FHIT: variants seen among roughly 807,000 people sequenced by gnomAD.
FHIT encodes bis(5'-adenosyl)-triphosphatase.
Under a neutral mutation model 17.9 loss-of-function variants are expected in FHIT, and 19 were observed. The ratio of observed to expected loss-of-function variants is 1.06; its 90% CI spans 0.74 to 1.56. The LOEUF (loss-of-function observed/expected upper bound fraction) is 1.56, where lower values mean the gene tolerates loss of function less well. Ranked by LOEUF, FHIT falls within the 40% of genes most tolerant of loss-of-function variation. The probability of loss-of-function intolerance (pLI) is 0.00; values close to 1 mark genes in which losing one functional copy is unlikely to be tolerated. For synonymous variants in FHIT, 81 were observed against 69.7 expected (o/e 1.16, Z -0.81); for missense variants, 248 against 189.2 (o/e 1.31, Z -1.82).
intron 5 of FHIT, among the ~76,000 whole-genome samples, chr3:60,466,600 GA>G (rs1429765188): frequency 6.6e-6 from 1 of 151,956 alleles, no homozygotes; most frequent in African/African-American, 2.4e-5. Flanking sequence ...TGAATTTTAT[GA>G]AATGCTTTTT....
At chr3:60,318,380 A>G (rs1449607333) in intron 5 of FHIT, among the ~76,000 whole-genome samples, 1 of 152,236 alleles carries the variant, frequency 6.6e-6, no homozygotes, top group Non-Finnish European at 1.5e-5. Context: ...GAAATCAACC[A>G]AATGAAATGA....
At chr3:60,307,278 G>T (rs917376147) in intron 5 of FHIT, among the ~76,000 whole-genome samples, 3 of 152,140 alleles carry the variant, frequency 2.0e-5, no homozygotes, top group Non-Finnish European at 2.9e-5. Flanking sequence ...AAATTCGCCT[G>T]CCACACACCA....
At position 59,860,448 on chromosome 3, in the gene FHIT, A is replaced by G. The variant is rs1381342082; in HGVS notation, c.348+61898T>C. On this transcript the variant is annotated intron_variant, in intron 8 of 9. Transcript: ENST00000492590. ...ATAGGGAATGGAACTTGTAGGGAAA[A>G]GAAGGATGTTGGAGAAAAGTTGAAT... Among the ~76,000 whole-genome samples, 4 of 152,344 alleles carry G rather than the reference A, an allele frequency of 2.6e-5. No homozygotes were observed. The East Asian group carries it at 7.7e-4, about 29-fold the overall frequency.
chr3:60,932,462 C>G (rs1575713198), intron 3 of FHIT, among the ~76,000 whole-genome samples: 1 of 152,182 alleles, frequency 6.6e-6, no homozygotes, highest in Non-Finnish European at 1.5e-5. Context: ...CAATGGCAGG[C>G]AGCATTAAGG....
At chr3:60,044,308 C>T (rs780358945) in intron 5 of FHIT, among the ~76,000 whole-genome samples, 3 of 152,146 alleles carry the variant, frequency 2.0e-5, no homozygotes, top group Non-Finnish European at 4.4e-5. Flanking sequence ...CTTGATTAAC[C>T]GTTACCCATT....
intron 4 of FHIT, among the ~76,000 whole-genome samples, chr3:60,557,315 T>C (rs1221633410): frequency 6.6e-6 from 1 of 152,140 alleles, no homozygotes; most frequent in African/African-American, 2.4e-5. Context: ...TCTGCCCACA[T>C]TGCATTATGT....
intron 2 of FHIT, among the ~76,000 whole-genome samples, chr3:61,081,208 G>A (rs2035126463): frequency 6.6e-6 from 1 of 152,118 alleles, no homozygotes; most frequent in Admixed American, 6.6e-5. Flanking sequence ...TGTGTCTCCA[G>A]GGTTCCACTT....
At chr3:59,919,275 T>C (rs1454387073) in intron 8 of FHIT, among the ~76,000 whole-genome samples, 1 of 152,180 alleles carries the variant, frequency 6.6e-6, no homozygotes. Context: ...GATGGGAAGC[T>C]CACCCCCTTG....
chr3:60,574,665 A>T (rs2037506436), intron 4 of FHIT, among the ~76,000 whole-genome samples: 1 of 152,092 alleles, frequency 6.6e-6, no homozygotes, highest in African/African-American at 2.4e-5. Flanking sequence ...GGTCCAACGT[A>T]ACACTTTGAA....
chr3:60,635,309 C>CAT (rs1553683495), intron 4 of FHIT, among the ~76,000 whole-genome samples: 2 of 152,174 alleles, frequency 1.3e-5, no homozygotes, highest in East Asian at 3.9e-4. Context: ...ATTATGAATG[C>CAT]ATAAAGGCCA....
intron 5 of FHIT, among the ~76,000 whole-genome samples, chr3:60,403,836 C>A (rs970597571): frequency 6.6e-6 from 1 of 152,188 alleles, no homozygotes; most frequent in African/African-American, 2.4e-5. Flanking sequence ...ATTCTGAAGG[C>A]TCCCATGTCA....
At chr3:60,677,416 T>A (rs1304037490) in intron 4 of FHIT, among the ~76,000 whole-genome samples, 1 of 152,048 alleles carries the variant, frequency 6.6e-6, no homozygotes, top group African/African-American at 2.4e-5. Context: ...TATTTCACTA[T>A]GTTTCTGAGT....
Position 60,424,630 on chromosome 3 carries a change from G to A in FHIT, c.103+112230C>T, listed in dbSNP as rs117660014. Among the ~76,000 whole-genome samples the A allele has an allele frequency of 3.3e-5, 5 of 152,130 alleles. No homozygotes were observed. In the East Asian group the frequency reaches 9.7e-4, roughly 30 times the overall value. ...ACACACAAACATGCCCAAAATACAT[G>A]GAAGAAAGATAAAATTAGCTGTCTT... On this transcript the variant is annotated intron_variant, in intron 5 of 9. Coordinates refer to ENST00000492590, the MANE Select transcript of FHIT (RefSeq NM_002012.4).
chr3:61,009,700 C>A (rs2031679514), intron 3 of FHIT, among the ~76,000 whole-genome samples: 2 of 151,912 alleles, frequency 1.3e-5, no homozygotes, highest in Non-Finnish European at 2.9e-5. Context: ...TTTCATCTAT[C>A]CAAGATTAAC....
At chr3:60,960,498 G>C (rs1169077613) in intron 3 of FHIT, among the ~76,000 whole-genome samples, 1 of 152,146 alleles carries the variant, frequency 6.6e-6, no homozygotes, top group Non-Finnish European at 1.5e-5. Context: ...ATGTATACAT[G>C]TGCCATGTTA....
intron 4 of FHIT, among the ~76,000 whole-genome samples, chr3:60,575,763 T>TG (rs1439401090): frequency 6.6e-6 from 1 of 152,120 alleles, no homozygotes. Flanking sequence ...TAGAATTTTA[T>TG]GCCTTACGGT....
intron 5 of FHIT, among the ~76,000 whole-genome samples, chr3:60,435,253 A>G (rs894458799): frequency 6.6e-6 from 1 of 152,176 alleles, no homozygotes; most frequent in Non-Finnish European, 1.5e-5. Flanking sequence ...TGTAATAGAA[A>G]AAGTATGCAA....
At chr3:60,069,528 C>T (rs1702670449) in intron 5 of FHIT, among the ~76,000 whole-genome samples, 1 of 152,154 alleles carries the variant, frequency 6.6e-6, no homozygotes, top group African/African-American at 2.4e-5. Flanking sequence ...AAGGCCCCTG[C>T]TTGTATAGCG....
At position 59,747,336 on chromosome 3, in the gene FHIT, G is replaced by A. The variant is rs147287220; in HGVS notation, c.*2249C>T. Among the ~76,000 whole-genome samples, 18 of 152,244 alleles carry A rather than the reference G, an allele frequency of 1.2e-4. No individual in the cohort carries two copies. The highest frequency in any genetic ancestry group is 4.3e-4 in the African/African-American group (18 of 41,546). On this transcript the variant is annotated 3_prime_UTR_variant, in exon 10 of 10. Coordinates refer to ENST00000492590, the MANE Select transcript of FHIT (RefSeq NM_002012.4). ...AATCATGGAGGAAGGCAAAAGAGGA[G>A]CAAAGCCACATCTTACATGGCAGCA...
Sources: gnomAD v4.1 joint callset for allele counts (sites outside exome capture counted in the v4.1 genomes callset) on GRCh38, gnomAD v4.1.1 for gene constraint, MANE v1.5 for transcripts, NCBI Gene and HGNC (gene_info 2026-07-23, HGNC 2026-07-21) for gene names.